The following UNC13C variants were observed in gnomAD, a reference collection of about 807,000 sequenced individuals.
UNC13C encodes protein unc-13 homolog C.
UNC13C carries 174 observed loss-of-function variants against 245.4 expected under a neutral mutation model. That is an observed-to-expected ratio of 0.71 (90% CI 0.63 to 0.80). The LOEUF (loss-of-function observed/expected upper bound fraction) is 0.80, where lower values mean the gene tolerates loss of function less well. Among genes scored for constraint, UNC13C ranks in the 30% least tolerant of loss-of-function variants. The pLI is 0.00. For synonymous variants in UNC13C, 992 were observed against 895.1 expected (o/e 1.11, Z -1.93); for missense variants, 2,829 against 2,602.9 (o/e 1.09, Z -1.89).
intron 2 of UNC13C, among the ~76,000 whole-genome samples, chr15:54,038,124 A>AAAAATTTTTTTTTTTTTTTTTTT (rs1555406259): frequency 2.2e-4 from 10 of 45,032 alleles, no homozygotes; most frequent in African/African-American, 1.1e-3. Context: ...ATATATATAT[A>AAAAATTTTTTTTTTTTTTTTTTT]TTTTTTTTTT....
upstream of UNC13C, among the ~76,000 whole-genome samples, chr15:53,976,471 C>CTTT (rs1491026119): frequency 1.9e-4 from 6 of 31,422 alleles, no homozygotes; most frequent in African/African-American, 3.7e-4. Flanking sequence ...CTCTCTCTCT[C>CTTT]TCTCTCTTTT....
chr15:54,034,834 G>A (rs1007903443), intron 2 of UNC13C, among the ~76,000 whole-genome samples: 9 of 152,150 alleles, frequency 5.9e-5, no homozygotes, highest in Non-Finnish European at 1.2e-4. Context: ...TTGTTTCACT[G>A]TATCTATCAC....
intron 17 of UNC13C, 44 bp downstream of exon 17, chr15:54,338,533 T>C: frequency 1.2e-6 from 2 of 1,601,358 alleles, no homozygotes; most frequent in Non-Finnish European, 1.7e-6. Context: ...CTTTTGTTTC[T>C]AGTATCTGTT....
chr15:53,860,310 A>C, the UNC13C span, among the ~76,000 whole-genome samples: 1 of 152,166 alleles, frequency 6.6e-6, no homozygotes, highest in Non-Finnish European at 1.5e-5. Flanking sequence ...TTATGACCTA[A>C]AATGTTAAAA....
At chr15:54,413,887 G>C (rs1304405198) in intron 18 of UNC13C, among the ~76,000 whole-genome samples, 1 of 152,110 alleles carries the variant, frequency 6.6e-6, no homozygotes, top group African/African-American at 2.4e-5. Context: ...TTTTATTCAT[G>C]TGTGCAAGTC....
At chr15:54,610,472 G>T (rs1900027071) in intron 30 of UNC13C, among the ~76,000 whole-genome samples, 1 of 152,118 alleles carries the variant, frequency 6.6e-6, no homozygotes, top group African/African-American at 2.4e-5. Flanking sequence ...ATGACCTCAA[G>T]TGATCCACCC....
the UNC13C span, among the ~76,000 whole-genome samples, chr15:53,936,187 A>G: frequency 6.6e-6 from 1 of 152,206 alleles, no homozygotes; most frequent in Non-Finnish European, 1.5e-5. Context: ...AGTTCCAGTC[A>G]GCCATTGTAG....
chr15:54,033,591 G>C (rs990478939), intron 2 of UNC13C, among the ~76,000 whole-genome samples: 1 of 152,126 alleles, frequency 6.6e-6, no homozygotes, highest in African/African-American at 2.4e-5. Context: ...AAGGACCTGG[G>C]AATAAGTATT....
chr15:54,552,686 A>G (rs1253650492), intron 28 of UNC13C, among the ~76,000 whole-genome samples: 1 of 85,710 alleles, frequency 1.2e-5, no homozygotes, highest in East Asian at 3.6e-4. Flanking sequence ...ATATAATTAT[A>G]TAATTATATA....
chr15:54,020,412 C>T (rs1247471028), intron 2 of UNC13C, among the ~76,000 whole-genome samples: 1 of 147,278 alleles, frequency 6.8e-6, no homozygotes, highest in Non-Finnish European at 1.5e-5. Context: ...GTAGCTGAGA[C>T]TACAGGCATG....
In UNC13C at chr15:54,014,211, T is replaced by C. The variant is rs748597252; in HGVS notation, c.1308T>C (p.Thr436=). The C allele has an allele frequency of 1.2e-6, 2 of 1,613,760 alleles. No individual in the cohort carries two copies. Among genetic ancestry groups the C allele is most frequent in the African/African-American group, 1.3e-5 (1 of 74,906 alleles). ...TYESMAIKLS[T]PEPKIKKNNW... ...AGAGCATGGCTATAAAGTTGTCTACTCCAGAGCCAAAAATCAAGAAGAACA... is the reference window on the plus strand; with the variant it reads ...AGAGCATGGCTATAAAGTTGTCTACCCCAGAGCCAAAAATCAAGAAGAACA... The change falls in exon 2 of 33, where the codon ACT becomes ACC. Residue 436 remains threonine (T), a synonymous_variant. Transcript: ENST00000260323.
chr15:54,018,901 G>C (rs1895777351), intron 2 of UNC13C, among the ~76,000 whole-genome samples: 1 of 151,994 alleles, frequency 6.6e-6, no homozygotes, highest in Admixed American at 6.6e-5. Flanking sequence ...ATAAATGCCT[G>C]AATCAAGAGA....
rs574051078 is a variant in UNC13C, at chr15:54,394,331, T to TC, written c.4847+1155dup. Reference sequence around the variant, plus strand: ...TGCCCTTTCACTTTCTTCTCCCTTTTCCCCCACACCTAATTCTTATATCTG... The same window carrying TC: ...TGCCCTTTCACTTTCTTCTCCCTTTTCCCCCCACACCTAATTCTTATATCTG... On this transcript the variant is annotated intron_variant, in intron 18 of 32. Transcript: ENST00000260323. Among the ~76,000 whole-genome samples the TC allele has an allele frequency of 7.9e-5, 12 of 151,820 alleles. No homozygotes were observed. The South Asian group carries it at 2.1e-3, about 26-fold the overall frequency.
the UNC13C span, among the ~76,000 whole-genome samples, chr15:53,937,025 A>T: frequency 6.6e-6 from 1 of 152,224 alleles, no homozygotes; most frequent in Non-Finnish European, 1.5e-5. Flanking sequence ...AACTGGGCTG[A>T]GGCTGAGATG....
At chr15:54,088,201 C>CT (rs59075201) in intron 2 of UNC13C, among the ~76,000 whole-genome samples, 3,863 of 103,808 alleles carry the variant, frequency 0.037, 156 homozygotes, top group South Asian at 0.1. Flanking sequence ...CTTCCTTTTC[C>CT]TTTTTTTTTT....
At chr15:54,325,867 A>G (rs1192295092) in intron 14 of UNC13C, among the ~76,000 whole-genome samples, 1 of 152,054 alleles carries the variant, frequency 6.6e-6, no homozygotes, top group Non-Finnish European at 1.5e-5. Context: ...ATATAAAAAG[A>G]GACTTTATTT....
chr15:54,554,623 C>T (rs34301708), intron 28 of UNC13C, among the ~76,000 whole-genome samples: 66,525 of 151,748 alleles, frequency 0.44, 14,887 homozygotes, highest in East Asian at 0.56. Flanking sequence ...TCATTCTCTG[C>T]GAACAGTGCT....
chr15:53,878,587 T>C, the UNC13C span, among the ~76,000 whole-genome samples: 1 of 152,210 alleles, frequency 6.6e-6, no homozygotes, highest in Non-Finnish European at 1.5e-5. Flanking sequence ...GATGAGATCA[T>C]GTATCTAGCC....
chr15:54,627,454 T>C lies in UNC13C; in HGVS notation c.*341T>C. On this transcript the variant is annotated 3_prime_UTR_variant, in exon 33 of 33. Transcript: ENST00000260323. ...CAGTTGTCTTTGTTAAATGAGATTA[T>C]ATTGCCCATAGATCAGAAAACATTT... 5.5e-6 allele frequency: 1 copy of C among 180,238 alleles called. No individual in the cohort carries two copies. The highest frequency in any genetic ancestry group is 1.2e-5 in the Non-Finnish European group (1 of 85,042). 11.2% of individuals were successfully genotyped at this position (180,238 alleles called of 1,614,324 possible). A position where few individuals can be genotyped will look rare whatever the true frequency, so the allele number is the denominator to read the frequency against.
Sources: allele counts gnomAD v4.1 joint callset (sites outside exome capture counted in the v4.1 genomes callset), GRCh38; gene constraint gnomAD v4.1.1; transcripts MANE v1.5; gene names NCBI Gene and HGNC (gene_info 2026-07-23, HGNC 2026-07-21).